Variants in TAFA2 observed in about 807,000 individuals in gnomAD.
The protein encoded by TAFA2 is TAFA chemokine like family member 2, also known as chemokine-like protein TAFA-2.
TAFA2 carries 7 observed loss-of-function variants against 18.8 expected under a neutral mutation model. The ratio of observed to expected loss-of-function variants is 0.37; its 90% CI spans 0.21 to 0.70. The LOEUF is 0.70. TAFA2 is among the 30% of genes least tolerant of loss of function. The pLI is 0.53. For missense variants in TAFA2, 122 were observed against 158.1 expected, an observed-to-expected ratio of 0.77 and a Z score of 1.23; for synonymous variants, 60 against 54.2, an observed-to-expected ratio of 1.11 and a Z score of -0.47.
intron 1 of TAFA2, among the ~76,000 whole-genome samples, chr12:62,029,978 A>G (rs1439428849): frequency 6.6e-6 from 1 of 152,144 alleles, no homozygotes; most frequent in Non-Finnish European, 1.5e-5. Flanking sequence ...CTGCTTTCAG[A>G]GCTTCATTTA....
chr12:61,827,756 T>C (rs542806879), intron 2 of TAFA2, among the ~76,000 whole-genome samples: 32 of 152,160 alleles, frequency 2.1e-4, no homozygotes, highest in African/African-American at 7.0e-4. Context: ...TTCCTATCAA[T>C]AGACCATAGA....
chr12:62,186,864 T>C (rs1405734110), intron 1 of TAFA2, among the ~76,000 whole-genome samples: 1 of 152,202 alleles, frequency 6.6e-6, no homozygotes, highest in Non-Finnish European at 1.5e-5. Context: ...AGAAACCTTA[T>C]GTTTTCCAAT....
At chr12:62,182,690 C>T (rs2062560247) in intron 1 of TAFA2, among the ~76,000 whole-genome samples, 1 of 152,200 alleles carries the variant, frequency 6.6e-6, no homozygotes, top group African/African-American at 2.4e-5. Flanking sequence ...ATTTAAACTT[C>T]TGCATCTACC....
In TAFA2 at chr12:61,969,305, C is replaced by G. The variant is rs1178185797; in HGVS notation, c.-1-101879G>C. 3.3e-5 allele frequency among the ~76,000 whole-genome samples: 5 copies of G among 151,596 alleles called. No individual in the cohort carries two copies. The East Asian group carries it at 9.7e-4, about 29-fold the overall frequency. On this transcript the variant is annotated intron_variant, in intron 1 of 4. Coordinates refer to ENST00000416284, the MANE Select transcript of TAFA2 (RefSeq NM_178539.5). ...ATAATCTAAACTTTTCTCTTCCTAT[C>G]CTTGAAGACTATTATTCATTAGTGA...
intron 4 of TAFA2, among the ~76,000 whole-genome samples, chr12:61,735,212 C>T (rs905221052): frequency 2.0e-5 from 3 of 151,988 alleles, no homozygotes; most frequent in Non-Finnish European, 4.4e-5. Context: ...ATAGTATTTG[C>T]TGCAAATTCT....
intron 1 of TAFA2, among the ~76,000 whole-genome samples, chr12:61,926,752 C>A (rs1414317170): frequency 1.3e-5 from 2 of 152,046 alleles, no homozygotes; most frequent in Non-Finnish European, 2.9e-5. Context: ...ACTGAATGGG[C>A]AAAAGCTGGA....
intron 2 of TAFA2, among the ~76,000 whole-genome samples, chr12:61,866,776 A>C (rs1874371310): frequency 6.6e-6 from 1 of 152,178 alleles, no homozygotes; most frequent in Admixed American, 6.5e-5. Context: ...AAAACATTGA[A>C]AGAAAATTTA....
Position 62,107,715 on chromosome 12 carries a change from T to C in TAFA2, c.-2+83544A>G, listed in dbSNP as rs1226893310. On this transcript the variant is annotated intron_variant, in intron 1 of 4. Transcript: ENST00000416284. ...TTAGTGCAAATTCATAACAGCCTCC[T>C]CTTTCCTTACTTAGCATAGAAAACC... Among the ~76,000 whole-genome samples, 4 of 152,166 alleles carry C rather than the reference T, an allele frequency of 2.6e-5. No individual in the cohort carries two copies. In the South Asian group the frequency reaches 8.3e-4, roughly 32 times the overall value.
chr12:62,222,799 C>A (rs2062769609), intron 1 of TAFA2, among the ~76,000 whole-genome samples: 1 of 151,920 alleles, frequency 6.6e-6, no homozygotes, highest in African/African-American at 2.4e-5. Context: ...CAGGCGTGAG[C>A]CATTGTGCCT....
chr12:61,714,630 G>A (rs1171209129), intron 4 of TAFA2, among the ~76,000 whole-genome samples: 1 of 152,112 alleles, frequency 6.6e-6, no homozygotes. Flanking sequence ...TATGGTATTA[G>A]TTAAATTTGA....
chr12:61,833,749 AC>A (rs976178595), intron 2 of TAFA2, among the ~76,000 whole-genome samples: 2 of 151,978 alleles, frequency 1.3e-5, no homozygotes, highest in African/African-American at 4.8e-5. Flanking sequence ...TCTCTTGCCC[AC>A]CCAGATAAAC....
At chr12:62,208,559 T>C (rs1220213870) in intron 1 of TAFA2, among the ~76,000 whole-genome samples, 3 of 152,132 alleles carry the variant, frequency 2.0e-5, no homozygotes, top group African/African-American at 4.8e-5. Flanking sequence ...TAAGTAGCTA[T>C]AAAATCATTG....
intron 1 of TAFA2, among the ~76,000 whole-genome samples, chr12:62,064,505 A>G (rs762591368): frequency 6.6e-5 from 10 of 152,126 alleles, no homozygotes; most frequent in Non-Finnish European, 1.2e-4. Context: ...GCCAAGAACA[A>G]TGAAAAGAGG....
At chr12:61,879,346 A>G (rs1875008717) in intron 1 of TAFA2, 4 of 686,386 alleles carry the variant, frequency 5.8e-6, no homozygotes, top group East Asian at 3.2e-5. Context: ...CAGAAGTCCT[A>G]CAAGGTATCC....
chr12:61,891,555 G>C (rs926428230), intron 1 of TAFA2, among the ~76,000 whole-genome samples: 1 of 152,084 alleles, frequency 6.6e-6, no homozygotes, highest in Non-Finnish European at 1.5e-5. Flanking sequence ...GGCTGAGGCA[G>C]GAGAATCGCT....
At chr12:61,751,079 A>G (rs1406448949) in intron 4 of TAFA2, among the ~76,000 whole-genome samples, 1 of 152,062 alleles carries the variant, frequency 6.6e-6, no homozygotes, top group Non-Finnish European at 1.5e-5. Context: ...TGATGGAAAC[A>G]CTTCTTCTAT....
chr12:62,078,881 T>A (rs1420731988), intron 1 of TAFA2, among the ~76,000 whole-genome samples: 1 of 152,184 alleles, frequency 6.6e-6, no homozygotes, highest in African/African-American at 2.4e-5. Flanking sequence ...GGCCTTCATA[T>A]CACCAGAGCA....
Position 61,753,718 on chromosome 12 carries a change from G to T in TAFA2, c.288C>A (p.Cys96Ter). 1 of 1,611,452 alleles carries T rather than the reference G, an allele frequency of 6.2e-7. No individual in the cohort carries two copies. The highest frequency in any genetic ancestry group is 2.2e-5 in the East Asian group (1 of 44,728). Residue 96 changes from cysteine to a stop codon, truncating the protein, a stop_gained, in exon 4 of 5, where the codon TGC becomes TGA. Coordinates refer to ENST00000416284, the MANE Select transcript of TAFA2 (RefSeq NM_178539.5). LOFTEE classifies it high-confidence loss of function. ...DASIVEQKWWCHMQPCLEGEE... is the reference protein window; with the variant it reads ...DASIVEQKWW ...CTCCCTCTAGACATGGCTGCATATG[G>T]CACCACCATTTCTGTTCCACTATTG...
In TAFA2 at chr12:61,905,903, C is replaced by G. The variant is rs1304993833; in HGVS notation, c.-1-38477G>C. Among the ~76,000 whole-genome samples, 5 of 152,174 alleles carry G rather than the reference C, an allele frequency of 3.3e-5. No homozygotes were observed. The South Asian group carries it at 1.0e-3, about 32-fold the overall frequency. On this transcript the variant is annotated intron_variant, in intron 1 of 4. Transcript: ENST00000416284. Reference sequence around the variant, plus strand: ...CACACACAGGCCCCAGAGCTCTCTGCTTTTCAATACTTTAACAATTCATCT... The same window carrying G: ...CACACACAGGCCCCAGAGCTCTCTGGTTTTCAATACTTTAACAATTCATCT...
Sources: allele counts gnomAD v4.1 joint callset (sites outside exome capture counted in the v4.1 genomes callset), GRCh38; gene constraint gnomAD v4.1.1; transcripts MANE v1.5; gene names NCBI Gene and HGNC (gene_info 2026-07-23, HGNC 2026-07-21).